Variants in SNX29 observed in about 807,000 individuals in gnomAD.
SNX29 encodes sorting nexin-29.
In SNX29, 78 loss-of-function variants were observed where a neutral mutation model predicts 102.1. The observed-to-expected ratio is 0.76, with a 90% confidence interval of 0.64 to 0.92. The LOEUF (loss-of-function observed/expected upper bound fraction) is 0.92. Ranked by LOEUF, SNX29 falls within the 40% of genes least tolerant of loss-of-function variation. The probability of loss-of-function intolerance (pLI) is 0.00; values close to 1 mark genes in which losing one functional copy is unlikely to be tolerated. For synonymous variants in SNX29, 580 were observed against 414.5 expected, an observed-to-expected ratio of 1.40 and a Z score of -4.85; for missense variants, 1,280 against 1,061.7, an observed-to-expected ratio of 1.21 and a Z score of -2.86.
chr16:12,380,047 A>C (rs2083015748), intron 16 of SNX29, among the ~76,000 whole-genome samples: 1 of 150,922 alleles, frequency 6.6e-6, no homozygotes, highest in South Asian at 2.1e-4. Flanking sequence ...CAGAACTCCT[A>C]AGAATTCCCT....
intron 14 of SNX29, among the ~76,000 whole-genome samples, chr16:12,264,423 A>G (rs573249959): frequency 2.6e-5 from 4 of 152,346 alleles, no homozygotes; most frequent in African/African-American, 4.8e-5. Flanking sequence ...CGCCTCTGAT[A>G]TGTATAACTC....
chr16:12,550,217 C>T (rs1299683237), intron 20 of SNX29, among the ~76,000 whole-genome samples: 1 of 152,090 alleles, frequency 6.6e-6, no homozygotes, highest in African/African-American at 2.4e-5. Flanking sequence ...GGAAGAGTAC[C>T]ACACAATACC....
At chr16:12,393,950 G>A (rs919516291) in intron 16 of SNX29, among the ~76,000 whole-genome samples, 5 of 152,224 alleles carry the variant, frequency 3.3e-5, no homozygotes, top group Non-Finnish European at 7.3e-5. Flanking sequence ...ATCATCAGAG[G>A]AAGCCCAGGA....
chr16:11,995,424 G>A (rs932164538), intron 1 of SNX29, among the ~76,000 whole-genome samples: 2 of 152,040 alleles, frequency 1.3e-5, no homozygotes, highest in South Asian at 4.1e-4. Flanking sequence ...CCCTTCTGAG[G>A]TCAAGATTAT....
intron 3 of SNX29, among the ~76,000 whole-genome samples, chr16:12,024,352 G>A (rs1459831604): frequency 6.6e-6 from 1 of 151,912 alleles, no homozygotes; most frequent in Non-Finnish European, 1.5e-5. Flanking sequence ...CACCATGTTG[G>A]CCAGGCTGGT....
chr16:12,004,855 C>G (rs1008858079), intron 3 of SNX29, among the ~76,000 whole-genome samples: 11 of 152,240 alleles, frequency 7.2e-5, no homozygotes, highest in African/African-American at 2.7e-4. Context: ...TACCATCCAA[C>G]AAACTATATA....
chr16:12,476,409 TATAC>T (rs1224726038), intron 18 of SNX29, among the ~76,000 whole-genome samples: 470 of 20,122 alleles, frequency 0.023, 5 homozygotes, highest in Middle Eastern at 0.048. Context: ...TATATATATA[TATAC>T]ATATATATAT....
chr16:12,182,134 G>C (rs1308090884), intron 13 of SNX29, among the ~76,000 whole-genome samples: 3 of 147,542 alleles, frequency 2.0e-5, no homozygotes, highest in Non-Finnish European at 4.4e-5. Context: ...TGACCTACCT[G>C]TTTCGGTCTC....
Position 12,568,778 on chromosome 16 carries a change from G to C in SNX29, c.*149G>C, listed in dbSNP as rs536753341. ...ATTCCCAACAGTTACACAACACCCC[G>C]ATTAAACTAATCAGTCTTCGAGCCG... On this transcript the variant is annotated 3_prime_UTR_variant, in exon 21 of 21. Coordinates refer to ENST00000566228, the MANE Select transcript of SNX29 (RefSeq NM_032167.5). 2 of 1,230,514 alleles carry C rather than the reference G, an allele frequency of 1.6e-6. No individual in the cohort carries two copies. Among genetic ancestry groups the C allele is most frequent in the African/African-American group, 1.5e-5 (1 of 65,864 alleles). The allele number at this position is 1,230,514 out of a possible 1,614,324, so 76.2% of individuals were successfully genotyped here.
At chr16:12,548,067 C>T (rs916098) in intron 20 of SNX29, among the ~76,000 whole-genome samples, 1 of 151,888 alleles carries the variant, frequency 6.6e-6, no homozygotes, top group East Asian at 1.9e-4. Context: ...CACACACGGT[C>T]AGGCATGACA....
In SNX29 at chr16:12,020,890, C is replaced by T. The variant is rs142012807; in HGVS notation, c.123-6430C>T. On this transcript the variant is annotated intron_variant, in intron 3 of 20. Coordinates refer to ENST00000566228, the MANE Select transcript of SNX29 (RefSeq NM_032167.5). ...CCTCCCATCTCGGCCTCCCAAAGTGCTGGGATTACAGGCGTGAGCCACTGA... is the reference window on the plus strand; with the variant it reads ...CCTCCCATCTCGGCCTCCCAAAGTGTTGGGATTACAGGCGTGAGCCACTGA... Among the ~76,000 whole-genome samples, 1,152 of 152,306 alleles carry T rather than the reference C, an allele frequency of 7.6e-3. 13 individuals are homozygous for T. Among genetic ancestry groups the T allele is most frequent in the African/African-American group, 0.027 (1,105 of 41,570 alleles).
chr16:12,449,974 T>G (rs2086233078), intron 18 of SNX29, among the ~76,000 whole-genome samples: 1 of 152,172 alleles, frequency 6.6e-6, no homozygotes, highest in African/African-American at 2.4e-5. Context: ...GGGAGACAAC[T>G]GAATCATGGG....
chr16:12,020,076 T>C (rs553311192), intron 3 of SNX29, among the ~76,000 whole-genome samples: 1 of 152,330 alleles, frequency 6.6e-6, no homozygotes, highest in Admixed American at 6.5e-5. Context: ...TAAATAGCTA[T>C]TGTTTATCTA....
intron 11 of SNX29, among the ~76,000 whole-genome samples, chr16:12,084,858 C>A (rs533390410): frequency 6.6e-6 from 1 of 152,212 alleles, no homozygotes; most frequent in Admixed American, 6.5e-5. Flanking sequence ...CACTTGAGGG[C>A]AGGAGTTTGA....
chr16:12,563,665 C>T (rs1010836552), intron 20 of SNX29, among the ~76,000 whole-genome samples: 3 of 152,136 alleles, frequency 2.0e-5, no homozygotes, highest in African/African-American at 4.8e-5. Context: ...TTTTCAATTC[C>T]CCGAGAGCCC....
intron 18 of SNX29, among the ~76,000 whole-genome samples, chr16:12,416,345 T>C (rs1033614353): frequency 6.6e-6 from 1 of 152,208 alleles, no homozygotes; most frequent in African/African-American, 2.4e-5. Context: ...GAAGAAGTTC[T>C]GGTGATCTGT....
At chr16:12,279,241 TG>T (rs2079353704) in intron 15 of SNX29, among the ~76,000 whole-genome samples, 1 of 152,184 alleles carries the variant, frequency 6.6e-6, no homozygotes, top group Non-Finnish European at 1.5e-5. Flanking sequence ...TACCTGAGCT[TG>T]GGTGGGTTTC....
At chr16:12,455,238 G>A (rs1403754434) in intron 18 of SNX29, among the ~76,000 whole-genome samples, 3 of 152,152 alleles carry the variant, frequency 2.0e-5, no homozygotes. Context: ...TGATTTGGGT[G>A]GCAAGTTAGA....
chr16:12,126,590 G>A, intron 11 of SNX29, 43 bp from the exon 12 acceptor site: 1 of 1,604,422 alleles, frequency 6.2e-7, no homozygotes, highest in Non-Finnish European at 8.5e-7. Flanking sequence ...GCTGTAACAG[G>A]CAAGACCTGC....
Sources: gnomAD v4.1 joint callset for allele counts (sites outside exome capture counted in the v4.1 genomes callset) on GRCh38, gnomAD v4.1.1 for gene constraint, MANE v1.5 for transcripts, NCBI Gene and HGNC (gene_info 2026-07-23, HGNC 2026-07-21) for gene names.